The following PCDHA7 variants were observed in gnomAD, a reference collection of about 807,000 sequenced individuals.
PCDHA7 encodes the protein protocadherin alpha 7.
PCDHA7 carries 37 observed loss-of-function variants against 57.2 expected under a neutral mutation model. The observed-to-expected ratio is 0.65, with a 90% CI of 0.50 to 0.85. The LOEUF is 0.85. Ranked by LOEUF, PCDHA7 falls within the 40% of genes least tolerant of loss-of-function variation. The probability of loss-of-function intolerance (pLI) is 0.00; values close to 1 mark genes in which losing one functional copy is unlikely to be tolerated. For synonymous variants in PCDHA7, 553 were observed against 558.8 expected, an observed-to-expected ratio of 0.99 and a Z score of 0.15; for missense variants, 1,188 against 1,241.8, an observed-to-expected ratio of 0.96 and a Z score of 0.65.
chr5:140,843,756 G>T, intron 1 of PCDHA7: 5 of 1,503,398 alleles, frequency 3.3e-6, no homozygotes, highest in Admixed American at 1.9e-5. Flanking sequence ...TTCTATTTGT[G>T]GAAATTGTAG....
At chr5:140,968,660 C>T in intron 1 of PCDHA7, 1 of 1,614,166 alleles carries the variant, frequency 6.2e-7, no homozygotes, top group Non-Finnish European at 8.5e-7. Flanking sequence ...TGACCTGGAC[C>T]TCTTTAAGGT....
rs782109045 is a variant in PCDHA7 at position 140,856,427 on chromosome 5, G to C, written c.2355+19689G>C. ...GGACGTGGAAGTGAAGGACATTAAC[G>C]ACAACCCGCCCAGGTTCTCCGTAAC... On this transcript the variant is annotated intron_variant, in intron 1 of 3. Transcript: ENST00000525929. 9 of 1,598,364 alleles carry C rather than the reference G, an allele frequency of 5.6e-6. 1 individual carries two copies. Among genetic ancestry groups the C allele is most frequent in the South Asian group, 1.1e-5 (1 of 90,520 alleles).
At chr5:140,866,241 A>C (rs1554160141) in intron 1 of PCDHA7, 1 of 152,134 alleles carries the variant, frequency 6.6e-6, no homozygotes, top group African/African-American at 2.4e-5. Context: ...ATATACCAAA[A>C]ATGACACCCT....
chr5:140,870,708 C>T (rs781841032), intron 1 of PCDHA7: 4 of 1,612,898 alleles, frequency 2.5e-6, no homozygotes, highest in Admixed American at 1.7e-5. Context: ...TCCAGGTGAG[C>T]GCGCGCGATG....
intron 3 of PCDHA7, among the ~76,000 whole-genome samples, chr5:140,988,382 T>C (rs2097295449): frequency 6.6e-6 from 1 of 152,148 alleles, no homozygotes; most frequent in African/African-American, 2.4e-5. Flanking sequence ...TGAAACTCAT[T>C]GTGTTTGCCA....
chr5:140,834,528 G>A lies in PCDHA7; in HGVS notation c.145G>A (p.Ala49Thr), dbSNP rs2150220380. ...ACATGGCAACTTCGTGGGCCGCATCGCGCAGGACCTGGGGCTGGAGCTGGC... is the reference window on the plus strand; with the variant it reads ...ACATGGCAACTTCGTGGGCCGCATCACGCAGGACCTGGGGCTGGAGCTGGC... ...AKHGNFVGRI[A>T]QDLGLELAEL... Residue 49 changes from alanine (A) to threonine (T), a missense_variant, in exon 1 of 4, where the codon GCG (alanine) becomes ACG (threonine). Ala to Thr is a moderately conservative substitution (Grantham distance 58, BLOSUM62 0). Coordinates refer to ENST00000525929, the MANE Select transcript of PCDHA7 (RefSeq NM_018910.3). 1.2e-6 allele frequency: 2 copies of A among 1,614,086 alleles called. No homozygotes were observed. The highest frequency in any genetic ancestry group is 8.5e-7 in the Non-Finnish European group (1 of 1,180,038).
chr5:140,908,816 G>T (rs1606122), intron 1 of PCDHA7, among the ~76,000 whole-genome samples: 42,837 of 152,040 alleles, frequency 0.28, 6,902 homozygotes, highest in East Asian at 0.53. Flanking sequence ...AGAGCCTTTT[G>T]GGTTACTCGA....
At chr5:140,935,894 C>CT (rs55841305) in intron 1 of PCDHA7, among the ~76,000 whole-genome samples, 11,084 of 136,696 alleles carry the variant, frequency 0.081, 520 homozygotes, top group Middle Eastern at 0.14. Context: ...TCAATATTAT[C>CT]TTTTTTTTTT....
chr5:140,870,250 C>G (rs1562640720), intron 1 of PCDHA7: 1 of 1,614,092 alleles, frequency 6.2e-7, no homozygotes, highest in African/African-American at 1.3e-5. Flanking sequence ...TGTCAACGGA[C>G]AGGTGACCTG....
chr5:141,009,594 C>G, intron 3 of PCDHA7, 33 bp from the exon 4 acceptor site: 1 of 1,602,468 alleles, frequency 6.2e-7, no homozygotes, highest in Non-Finnish European at 8.5e-7. Context: ...ATGTGTTGAC[C>G]CTGTTAATGA....
chr5:140,840,414 T>C (rs1377292591), intron 1 of PCDHA7, among the ~76,000 whole-genome samples: 1 of 151,872 alleles, frequency 6.6e-6, no homozygotes, highest in Non-Finnish European at 1.5e-5. Flanking sequence ...ATACTTCAAA[T>C]AATAGGCTAG....
Position 140,923,938 on chromosome 5 carries a change from CT to C in PCDHA7, c.2356-55005del, listed in dbSNP as rs1340709876. 2.6e-5 allele frequency among the ~76,000 whole-genome samples: 4 copies of C among 152,122 alleles called. No homozygotes were observed. In the East Asian group the frequency reaches 7.7e-4, roughly 29 times the overall value. On this transcript the variant is annotated intron_variant, in intron 1 of 3. Coordinates refer to ENST00000525929, the MANE Select transcript of PCDHA7 (RefSeq NM_018910.3). ...ATACTGTTCTCTGTATGCATTTTTC[CT>C]TTTTTCCTCACGCCCTAATCTATAC... is the stretch of plus-strand genomic sequence containing the variant.
At position 140,881,347 on chromosome 5, in the gene PCDHA7, C is replaced by A; in HGVS notation, c.2355+44609C>A. 3 of 985,212 alleles carry A rather than the reference C, an allele frequency of 3.0e-6. No homozygotes were observed. In the African/African-American group the frequency reaches 5.2e-5, roughly 17 times the overall value. 61.0% of individuals were successfully genotyped at this position (985,212 alleles called of 1,614,324 possible). ...TTAACCAGGACGCCGATTCGGGCTA[C>A]AATGCGTGGCTTTCGTATGAATTGC... On this transcript the variant is annotated intron_variant, in intron 1 of 3. Transcript: ENST00000525929.
chr5:140,927,051 G>T, intron 1 of PCDHA7: 1 of 1,612,116 alleles, frequency 6.2e-7, no homozygotes, highest in South Asian at 1.1e-5. Flanking sequence ...TGTCCTCGCG[G>T]AACTTTCGCT....
intron 1 of PCDHA7, chr5:140,848,613 G>C (rs147099629): frequency 6.3e-7 from 1 of 1,587,628 alleles, no homozygotes; most frequent in Admixed American, 1.7e-5. Flanking sequence ...GGAGGAAGCC[G>C]AACACGGCAC....
At chr5:140,915,232 C>T (rs1554196813) in intron 1 of PCDHA7, among the ~76,000 whole-genome samples, 1 of 152,156 alleles carries the variant, frequency 6.6e-6, no homozygotes, top group Non-Finnish European at 1.5e-5. Flanking sequence ...CAGGCATGAG[C>T]CACCATGCCT....
chr5:140,992,017 CTGTGTGTGTG>C (rs10602499), intron 3 of PCDHA7, among the ~76,000 whole-genome samples: 1 of 145,512 alleles, frequency 6.9e-6, no homozygotes, highest in Non-Finnish European at 1.5e-5. Context: ...AGAGGTGGCT[CTGTGTGTGTG>C]TGTGTGTGTG....
intron 1 of PCDHA7, among the ~76,000 whole-genome samples, chr5:140,920,816 C>A (rs1170521844): frequency 6.6e-6 from 1 of 150,790 alleles, no homozygotes; most frequent in East Asian, 1.9e-4. Flanking sequence ...TGCACTCCAG[C>A]CTGGCGACGG....
Position 140,978,942 on chromosome 5 carries a change from T to C in PCDHA7, c.2356-7T>C, listed in dbSNP as rs781997267. 5 of 1,614,058 alleles carry C rather than the reference T, an allele frequency of 3.1e-6. No individual in the cohort carries two copies. The African/African-American group carries it at 6.7e-5, about 22-fold the overall frequency. ...TTTAACAGAAAACTCTCTTTGTGAT[T>C]TTGCAGCCACGACAGCCCAACCCTG... is the stretch of plus-strand genomic sequence containing the variant. On this transcript the variant is annotated splice_region_variant and splice_polypyrimidine_tract_variant and intron_variant, in intron 1 of 3. Coordinates refer to ENST00000525929, the MANE Select transcript of PCDHA7 (RefSeq NM_018910.3).
Sources: gnomAD v4.1 joint callset for allele counts (sites outside exome capture counted in the v4.1 genomes callset) on GRCh38, gnomAD v4.1.1 for gene constraint, MANE v1.5 for transcripts, NCBI Gene and HGNC (gene_info 2026-07-23, HGNC 2026-07-21) for gene names.